The following TNRC6A variants were observed in gnomAD, a reference collection of about 807,000 sequenced individuals.
TNRC6A encodes trinucleotide repeat containing adaptor 6A.
A neutral mutation model predicts 221.2 loss-of-function variants in TNRC6A; 44 were observed. The ratio of observed to expected loss-of-function variants is 0.20; its 90% CI spans 0.16 to 0.26. The LOEUF (loss-of-function observed/expected upper bound fraction) is 0.26, where lower values mean the gene tolerates loss of function less well. Among genes scored for constraint, TNRC6A ranks in the 10% least tolerant of loss-of-function variants. TNRC6A has a pLI of 1.00. For missense variants in TNRC6A, 2,199 were observed against 2,404.4 expected, an observed-to-expected ratio of 0.91 and a Z score of 1.79; for synonymous variants, 847 against 838.5, an observed-to-expected ratio of 1.01 and a Z score of -0.18.
rs146612156 is a variant in TNRC6A at position 24,775,234 on chromosome 16, G to T, written c.164-1699G>T. ...GAGACAAAATTTTCACCCATAATTA[G>T]GCCTAGAAAGCACTTTGCCCCAATT... On this transcript the variant is annotated intron_variant, in intron 4 of 24. Transcript: ENST00000395799. 3.7e-3 allele frequency among the ~76,000 whole-genome samples: 565 copies of T among 152,172 alleles called. 2 individuals are homozygous for T. Among genetic ancestry groups the T allele is most frequent in the Admixed American group, 6.5e-3 (99 of 15,292 alleles).
intron 7 of TNRC6A, 71 bp from the exon 8 acceptor site, chr16:24,794,473 A>G (rs2058177048): frequency 6.6e-7 from 1 of 1,508,314 alleles, no homozygotes; most frequent in African/African-American, 1.4e-5. Flanking sequence ...AATTTTTAAT[A>G]TATACTTATT....
rs145823978 is a variant in TNRC6A, at chr16:24,791,046, G to C, written c.2404G>C (p.Gly802Arg). The C allele has an allele frequency of 1.9e-4, 305 of 1,595,760 alleles. No homozygotes were observed. The highest frequency in any genetic ancestry group is 4.4e-4 in the Admixed American group (26 of 59,156). ...AGATTCCAAAGGCTCAAACTGCCAG[G>C]GGGGGTGGGAAGATGATTCTGCTGC... ...WGDSKGSNCQ[G>R]GWEDDSAATG... is the part of the protein sequence containing the mutation. The change falls in exon 6 of 25, where the codon GGG becomes CGG. Residue 802 changes from glycine (G) to arginine (R), a missense_variant. Transcript: ENST00000395799.
At chr16:24,672,843 A>C (rs1360342118) in intron 2 of TNRC6A, among the ~76,000 whole-genome samples, 1 of 151,742 alleles carries the variant, frequency 6.6e-6, no homozygotes, top group African/African-American at 2.4e-5. Context: ...GCATGTATTT[A>C]CATATAAATA....
At chr16:24,815,053 C>G in intron 18 of TNRC6A, 94 bp from the exon 19 acceptor site, 2 of 1,406,558 alleles carry the variant, frequency 1.4e-6, no homozygotes, top group Non-Finnish European at 9.7e-7. Flanking sequence ...GCCCACAGAT[C>G]TAATAGAAAG....
chr16:24,648,343 C>T (rs987389098), intron 2 of TNRC6A, among the ~76,000 whole-genome samples: 1 of 136,372 alleles, frequency 7.3e-6, no homozygotes, highest in African/African-American at 2.8e-5. Flanking sequence ...ACAATCTTGG[C>T]TCACTGCAAC....
chr16:24,628,506 T>C (rs1372276605), intron 1 of TNRC6A, among the ~76,000 whole-genome samples: 1 of 152,136 alleles, frequency 6.6e-6, no homozygotes, highest in Admixed American at 6.6e-5. Context: ...CTCTGCCACA[T>C]CTGAGACAGC....
rs576046753 is a variant in TNRC6A at position 24,777,900 on chromosome 16, T to C, written c.589+542T>C. Among the ~76,000 whole-genome samples, 9 of 152,266 alleles carry C rather than the reference T, an allele frequency of 5.9e-5. 1 individual carries two copies. The East Asian group carries it at 1.4e-3, about 23-fold the overall frequency. ...GCTTCTCTGAGCTTGGTAGTGATGGTGAGGCAGAAAATAAATCTGGTATGT... is the reference window on the plus strand; with the variant it reads ...GCTTCTCTGAGCTTGGTAGTGATGGCGAGGCAGAAAATAAATCTGGTATGT... On this transcript the variant is annotated intron_variant, in intron 5 of 24. Transcript: ENST00000395799.
intron 1 of TNRC6A, among the ~76,000 whole-genome samples, chr16:24,612,355 T>C (rs1469957172): frequency 6.6e-6 from 1 of 152,192 alleles, no homozygotes; most frequent in African/African-American, 2.4e-5. Flanking sequence ...TTAGGTCACT[T>C]GCTTAAGGGC....
At chr16:24,811,320 A>G (rs1427375338) in intron 18 of TNRC6A, among the ~76,000 whole-genome samples, 1 of 152,202 alleles carries the variant, frequency 6.6e-6, no homozygotes, top group East Asian at 1.9e-4. Flanking sequence ...GTTAAACTGG[A>G]TGTCTCAGAT....
At position 24,729,707 on chromosome 16, in the gene TNRC6A, G is replaced by GGCGGCGGCGGCGGCA. The variant is rs1555495698; in HGVS notation, c.-124_-123insGGCAGCGGCGGCGGC. The GGCGGCGGCGGCGGCA allele has an allele frequency of 9.3e-7, 1 of 1,070,628 alleles. No individual in the cohort carries two copies. Among genetic ancestry groups the GGCGGCGGCGGCGGCA allele is most frequent in the South Asian group, 3.0e-5 (1 of 32,892 alleles). The allele number at this position is 1,070,628 out of a possible 1,614,324, so 66.3% of individuals were successfully genotyped here. ...TGTCGGCGGCGGCGGCGGCGGCGGCGGCGGCGGCGGCAGCGGGTCGGTGTA... is the reference window on the plus strand; with the variant it reads ...TGTCGGCGGCGGCGGCGGCGGCGGCGGCGGCGGCGGCGGCAGCGGCGGCGGCAGCGGGTCGGTGTA... On this transcript the variant is annotated 5_prime_UTR_variant, in exon 1 of 25. Coordinates refer to ENST00000395799, the MANE Select transcript of TNRC6A (RefSeq NM_014494.4).
chr16:24,761,280 C>T lies in TNRC6A; in HGVS notation c.163+2920C>T, dbSNP rs562068180. On this transcript the variant is annotated intron_variant, in intron 4 of 24. Coordinates refer to ENST00000395799, the MANE Select transcript of TNRC6A (RefSeq NM_014494.4). Reference sequence around the variant, plus strand: ...GAAAGTTTTATTCTTGTGACTTCAACTTTGAAAAACTGTAAAGAACACAAA... The same window carrying T: ...GAAAGTTTTATTCTTGTGACTTCAATTTTGAAAAACTGTAAAGAACACAAA... Among the ~76,000 whole-genome samples, 6 of 152,278 alleles carry T rather than the reference C, an allele frequency of 3.9e-5. No homozygotes were observed. The South Asian group carries it at 1.2e-3, about 32-fold the overall frequency.
intron 2 of TNRC6A, among the ~76,000 whole-genome samples, chr16:24,653,258 C>T (rs1178175843): frequency 1.3e-5 from 2 of 152,086 alleles, no homozygotes; most frequent in Admixed American, 1.3e-4. Flanking sequence ...AAGACAACCA[C>T]GATGACAATG....
chr16:24,642,662 A>G (rs1040205897), intron 2 of TNRC6A, among the ~76,000 whole-genome samples: 4 of 152,108 alleles, frequency 2.6e-5, no homozygotes, highest in Non-Finnish European at 5.9e-5. Context: ...TACTAAAAAT[A>G]CAAAAAAATT....
intron 2 of TNRC6A, chr16:24,663,842 G>A (rs2055087101): frequency 2.2e-6 from 1 of 447,404 alleles, no homozygotes; most frequent in Non-Finnish European, 4.5e-6. Context: ...CATGTTGTTA[G>A]CATCAACTAC....
At chr16:24,783,538 T>A (rs1191726918) in intron 5 of TNRC6A, among the ~76,000 whole-genome samples, 1 of 152,046 alleles carries the variant, frequency 6.6e-6, no homozygotes, top group Non-Finnish European at 1.5e-5. Flanking sequence ...TTTTTTTTTT[T>A]TTTGAGTGTG....
At chr16:24,820,505 C>T in intron 22 of TNRC6A, 145 bp downstream of exon 22, 1 of 720,704 alleles carries the variant, frequency 1.4e-6, no homozygotes. Flanking sequence ...AACAAATGAT[C>T]CACCCAAAGG....
chr16:24,791,583 G>C lies in TNRC6A; in HGVS notation c.2941G>C (p.Glu981Gln). The C allele has an allele frequency of 6.3e-7, 1 of 1,579,042 alleles. No homozygotes were observed. The highest frequency in any genetic ancestry group is 8.6e-7 in the Non-Finnish European group (1 of 1,166,154). The change falls in exon 6 of 25, where the codon GAA (glutamate) becomes CAA (glutamine). Residue 981 changes from glutamate to glutamine, a missense_variant. Transcript: ENST00000395799. ...GGGACCTATACCAGCCCCAGCAAAA[G>C]AAGAAGAACCCACAGGCTGGGAGGA... is the stretch of plus-strand genomic sequence containing the variant. ...LGGPIPAPAK[E>Q]EEPTGWEEPS...
chr16:24,638,081 G>A (rs988053451), intron 1 of TNRC6A, among the ~76,000 whole-genome samples: 17 of 152,166 alleles, frequency 1.1e-4, no homozygotes, highest in Admixed American at 3.3e-4. Flanking sequence ...CACCATGCCT[G>A]ACTGTGATGC....
chr16:24,770,186 T>C (rs2057561299), intron 4 of TNRC6A, among the ~76,000 whole-genome samples: 1 of 152,152 alleles, frequency 6.6e-6, no homozygotes, highest in African/African-American at 2.4e-5. Flanking sequence ...TGAAAGAACG[T>C]GATACGTTTT....
Sources: allele counts gnomAD v4.1 joint callset (sites outside exome capture counted in the v4.1 genomes callset), GRCh38; gene constraint gnomAD v4.1.1; transcripts MANE v1.5; gene names NCBI Gene and HGNC (gene_info 2026-07-23, HGNC 2026-07-21).